The following DYSF variants were observed in gnomAD, a reference collection of about 807,000 sequenced individuals.
DYSF encodes dysferlin.
Under a neutral mutation model 274.9 loss-of-function variants are expected in DYSF, and 212 were observed. The observed-to-expected ratio is 0.77, with a 90% CI of 0.69 to 0.86. DYSF has a LOEUF of 0.86. DYSF is among the 40% of genes least tolerant of loss of function. The probability of loss-of-function intolerance (pLI) is 0.00; values close to 1 mark genes in which losing one functional copy is unlikely to be tolerated. For missense variants in DYSF, 2,666 were observed against 2,783.2 expected, an observed-to-expected ratio of 0.96 and a Z score of 0.95; for synonymous variants, 1,091 against 1,078.7, an observed-to-expected ratio of 1.01 and a Z score of -0.22.
intron 41 of DYSF, among the ~76,000 whole-genome samples, chr2:71,643,645 A>T (rs1175953050): frequency 1.3e-5 from 2 of 152,204 alleles, no homozygotes; most frequent in Non-Finnish European, 2.9e-5. Flanking sequence ...GGATGCAGGA[A>T]CTACAAAGAT....
Position 71,665,324 on chromosome 2 carries a change from C to T in DYSF, c.5317+20C>T, listed in dbSNP as rs2094976958. Reference sequence around the variant, plus strand: ...AGATAGGTGAGCTGCCACATGACCCCAAACCATGGTGGGCTCTCGCTGTAT... The same window carrying T: ...AGATAGGTGAGCTGCCACATGACCCTAAACCATGGTGGGCTCTCGCTGTAT... On this transcript the variant is annotated intron_variant, in intron 47 of 55. Transcript: ENST00000410020. 2 of 1,613,898 alleles carry T rather than the reference C, an allele frequency of 1.2e-6. No homozygotes were observed. Among genetic ancestry groups the T allele is most frequent in the Non-Finnish European group, 1.7e-6 (2 of 1,179,966 alleles).
At chr2:71,504,137 G>A (rs2085252679) in intron 4 of DYSF, among the ~76,000 whole-genome samples, 1 of 152,184 alleles carries the variant, frequency 6.6e-6, no homozygotes. Context: ...TCTCTGAATG[G>A]AACGAGACTG....
intron 30 of DYSF, chr2:71,576,145 T>C (rs2092691776): frequency 6.6e-6 from 1 of 152,352 alleles, no homozygotes; most frequent in South Asian, 2.1e-4. Flanking sequence ...GATGGAGCGT[T>C]CTGATTGGCC....
chr2:71,476,492 G>T (rs1347076715), intron 1 of DYSF, among the ~76,000 whole-genome samples: 2 of 145,610 alleles, frequency 1.4e-5, no homozygotes, highest in Non-Finnish European at 3.0e-5. Flanking sequence ...AGTGAGCCGA[G>T]ATCACACCAT....
intron 30 of DYSF, among the ~76,000 whole-genome samples, chr2:71,583,328 A>G (rs979073006): frequency 2.6e-5 from 4 of 152,158 alleles, no homozygotes; most frequent in Admixed American, 6.5e-5. Flanking sequence ...CAGCCCTGCC[A>G]CAGGTGCTCT....
At chr2:71,493,886 A>G (rs1301369903) in intron 3 of DYSF, among the ~76,000 whole-genome samples, 2 of 151,346 alleles carry the variant, frequency 1.3e-5, no homozygotes, top group African/African-American at 4.9e-5. Flanking sequence ...AAAGAAAGAA[A>G]CACAAAGGTT....
intron 43 of DYSF, among the ~76,000 whole-genome samples, chr2:71,657,286 G>A (rs1333956301): frequency 2.0e-5 from 3 of 152,348 alleles, no homozygotes; most frequent in Non-Finnish European, 4.4e-5. Flanking sequence ...GACGCAAAAG[G>A]TAGGTTCCCA....
chr2:71,614,535 T>C (rs1225790630), intron 40 of DYSF, among the ~76,000 whole-genome samples: 2 of 152,328 alleles, frequency 1.3e-5, no homozygotes, highest in Non-Finnish European at 2.9e-5. Flanking sequence ...TTAGGCATGG[T>C]CGCTTCTTTG....
intron 52 of DYSF, among the ~76,000 whole-genome samples, chr2:71,678,433 A>G (rs1235091291): frequency 6.6e-6 from 1 of 152,244 alleles, no homozygotes; most frequent in Non-Finnish European, 1.5e-5. Context: ...GCCAGACACA[A>G]AAGAACAAAT....
At chr2:71,555,835 C>G in intron 21 of DYSF, 130 bp from the exon 22 acceptor site, 8 of 763,972 alleles carry the variant, frequency 1.0e-5, no homozygotes, top group Non-Finnish European at 4.6e-6. Flanking sequence ...TGGGCCTGGA[C>G]TCTGCCTTCT....
chr2:71,472,311 T>G (rs968426819), intron 1 of DYSF, among the ~76,000 whole-genome samples: 1 of 152,230 alleles, frequency 6.6e-6, no homozygotes, highest in Non-Finnish European at 1.5e-5. Flanking sequence ...TCTTGAAGTC[T>G]GTATCAACTT....
intron 3 of DYSF, among the ~76,000 whole-genome samples, chr2:71,493,851 C>CAAAAAAAAAAAAA (rs145288384): frequency 2.9e-5 from 2 of 69,324 alleles, no homozygotes; most frequent in African/African-American, 6.4e-5. Context: ...TACTCTGTCT[C>CAAAAAAAAAAAAA]AAAAAAAAAA....
At chr2:71,475,907 C>T (rs116354439) in intron 1 of DYSF, among the ~76,000 whole-genome samples, 1,803 of 152,004 alleles carry the variant, frequency 0.012, 35 homozygotes, top group African/African-American at 0.042. Context: ...TAGCTGGGAC[C>T]GCAGGCACAT....
intron 3 of DYSF, among the ~76,000 whole-genome samples, chr2:71,493,402 A>ACCC (rs1181993821): frequency 6.6e-6 from 1 of 152,300 alleles, no homozygotes; most frequent in African/African-American, 2.4e-5. Context: ...AGTTTTGAAT[A>ACCC]ATATAGTATC....
At chr2:71,538,327 G>A (rs1010837802) in intron 16 of DYSF, among the ~76,000 whole-genome samples, 1 of 152,196 alleles carries the variant, frequency 6.6e-6, no homozygotes. Context: ...CATAGGATGT[G>A]GTTGGCTAAT....
chr2:71,511,893 G>T lies in DYSF; in HGVS notation c.432G>T (p.Pro144=), dbSNP rs542176164. The part of the protein sequence containing the change: ...FPPPTPLEPS[P]TLPDLDVVAG... The stretch of plus-strand genomic sequence containing the variant: ...CCCCTACTCCTCTGGAGCCCTCCCC[G>T]ACTCTGCCTGACCTGGATGTAGTGG... Residue 144 remains proline, a synonymous_variant, in exon 5 of 56, where the codon CCG becomes CCT. Coordinates refer to ENST00000410020, the MANE Select transcript of DYSF (RefSeq NM_001130987.2). The T allele has an allele frequency of 1.9e-6, 3 of 1,550,460 alleles. No homozygotes were observed. Among genetic ancestry groups the T allele is most frequent in the Non-Finnish European group, 2.6e-6 (3 of 1,146,202 alleles).
chr2:71,610,145 G>A (rs530401336), intron 36 of DYSF, among the ~76,000 whole-genome samples: 1 of 152,298 alleles, frequency 6.6e-6, no homozygotes, highest in South Asian at 2.1e-4. Flanking sequence ...GCAGTAAAGT[G>A]TCTTGTTCTA....
rs186608359 is a variant in DYSF, at chr2:71,522,766, C to T, written c.1149+1862C>T. ...CCTGTATCATTTGCTGCCCACTCCC[C>T]ACACCTGTTCCCCATCCCGTATTAG... On this transcript the variant is annotated intron_variant, in intron 12 of 55. Transcript: ENST00000410020. Among the ~76,000 whole-genome samples, 195 of 152,278 alleles carry T rather than the reference C, an allele frequency of 1.3e-3. 1 individual carries two copies. Among genetic ancestry groups the T allele is most frequent in the Non-Finnish European group, 2.2e-3 (149 of 68,030 alleles).
intron 30 of DYSF, among the ~76,000 whole-genome samples, chr2:71,575,768 C>G (rs2092680544): frequency 6.6e-6 from 1 of 152,122 alleles, no homozygotes; most frequent in South Asian, 2.1e-4. Flanking sequence ...CTCAAAGGGG[C>G]TGAGAAGAAA....
Sources: gnomAD v4.1 joint callset for allele counts (sites outside exome capture counted in the v4.1 genomes callset) on GRCh38, gnomAD v4.1.1 for gene constraint, MANE v1.5 for transcripts, NCBI Gene and HGNC (gene_info 2026-07-23, HGNC 2026-07-21) for gene names.